Variants in MEX3C observed in about 807,000 individuals in gnomAD.
The protein encoded by MEX3C is RNA-binding E3 ubiquitin-protein ligase MEX3C.
MEX3C carries 15 observed loss-of-function variants against 35.5 expected under a neutral mutation model. The ratio of observed to expected loss-of-function variants is 0.42; its 90% CI spans 0.28 to 0.65. The LOEUF (loss-of-function observed/expected upper bound fraction) is 0.65, where lower values mean the gene tolerates loss of function less well. Among genes scored for constraint, MEX3C ranks in the 30% least tolerant of loss-of-function variants. MEX3C has a pLI of 0.20. For missense variants in MEX3C, 711 were observed against 842.8 expected, an observed-to-expected ratio of 0.84 and a Z score of 1.94; for synonymous variants, 390 against 352.8, an observed-to-expected ratio of 1.11 and a Z score of -1.18.
intron 1 of MEX3C, among the ~76,000 whole-genome samples, chr18:51,181,499 TACA>T (rs1912429248): frequency 2.7e-5 from 2 of 75,290 alleles, no homozygotes; most frequent in South Asian, 6.8e-4. Flanking sequence ...ACAAAAACCT[TACA>T]ACAATGCTAG....
At position 51,190,048 on chromosome 18, in the gene MEX3C, C is replaced by T. The variant is rs75230361; in HGVS notation, c.754+6519G>A. Among the ~76,000 whole-genome samples, 810 of 152,230 alleles carry T rather than the reference C, an allele frequency of 5.3e-3. 40 individuals carry two copies. In the East Asian group the frequency reaches 0.12, roughly 22 times the overall value. Reference sequence around the variant, plus strand: ...ATCTCTGTACTTTCAATTGTACTGTCAATTTCTACTAATGCTATCTTCTCA... The same window carrying T: ...ATCTCTGTACTTTCAATTGTACTGTTAATTTCTACTAATGCTATCTTCTCA... On this transcript the variant is annotated intron_variant, in intron 1 of 1. Coordinates refer to ENST00000406189, the MANE Select transcript of MEX3C (RefSeq NM_016626.5).
chr18:51,192,306 C>G (rs1184174828), intron 1 of MEX3C, among the ~76,000 whole-genome samples: 1 of 152,138 alleles, frequency 6.6e-6, no homozygotes, highest in African/African-American at 2.4e-5. Context: ...ATTCCCCACC[C>G]ATTTGCAAAA....
chr18:51,177,194 A>G lies in MEX3C; in HGVS notation c.1137T>C (p.Asn379=). The change falls in exon 2 of 2, where the codon AAT becomes AAC. Residue 379 remains asparagine, a synonymous_variant. Transcript: ENST00000406189. This position sits in a 1 kb window ranked among gnomAD's most constrained non-coding sequence, Gnocchi z 4.2. The part of the protein sequence containing the change: ...PVFEVTGMPE[N]VDRAREEIEM... The stretch of plus-strand genomic sequence containing the variant: ...CTATTTCTTCCCGTGCTCGGTCAAC[A>G]TTTTCAGGCATCCCTGTCACTTCAA... 5 of 1,613,674 alleles carry G rather than the reference A, an allele frequency of 3.1e-6. No homozygotes were observed. Among genetic ancestry groups the G allele is most frequent in the Middle Eastern group, 1.6e-4 (1 of 6,062 alleles).
chr18:51,196,136 A>G (rs1912780659), intron 1 of MEX3C: 1 of 213,088 alleles, frequency 4.7e-6, no homozygotes, highest in South Asian at 6.4e-5. Context: ...CTCCATCTGA[A>G]CAAGTTCTTG....
chr18:51,196,506 C>A, intron 1 of MEX3C, 61 bp downstream of exon 1: 1 of 1,517,134 alleles, frequency 6.6e-7, no homozygotes. Context: ...GCTCCTTTCT[C>A]TCGTCTCCCC....
At chr18:51,188,921 G>A (rs1482707102) in intron 1 of MEX3C, among the ~76,000 whole-genome samples, 2 of 152,180 alleles carry the variant, frequency 1.3e-5, no homozygotes, top group East Asian at 3.8e-4. Flanking sequence ...GGTGACAGTA[G>A]TCAGATCTTC....
intron 1 of MEX3C, among the ~76,000 whole-genome samples, chr18:51,189,597 A>T (rs190571685): frequency 1.6e-4 from 24 of 152,324 alleles, no homozygotes; most frequent in African/African-American, 5.8e-4. Context: ...ATATTTAATG[A>T]AAAGTTTTAT....
chr18:51,188,589 C>A (rs1912588438), intron 1 of MEX3C, among the ~76,000 whole-genome samples: 1 of 102,246 alleles, frequency 9.8e-6, no homozygotes, highest in African/African-American at 3.9e-5. Context: ...CAGAGTGAGA[C>A]CCTGTCTCAA....
intron 1 of MEX3C, among the ~76,000 whole-genome samples, chr18:51,180,277 A>C (rs545633101): frequency 6.6e-6 from 1 of 152,110 alleles, no homozygotes; most frequent in Admixed American, 6.5e-5. Flanking sequence ...ACAGAACACT[A>C]TCTAGCCTAT....
chr18:51,197,602 G>A lies in MEX3C; in HGVS notation c.-282C>T, dbSNP rs1443155125. On this transcript the variant is annotated 5_prime_UTR_variant, in exon 1 of 2. Coordinates refer to ENST00000406189, the MANE Select transcript of MEX3C (RefSeq NM_016626.5). ...GGAGGTGGCAGCGGCTCCCCTCTCA[G>A]TGTTTCTTTTGTTTCATGGCCTTAA... Among the ~76,000 whole-genome samples the A allele has an allele frequency of 6.6e-6, 1 of 151,594 alleles. No homozygotes were observed. The highest frequency in any genetic ancestry group is 1.5e-5 in the Non-Finnish European group (1 of 67,802).
Position 51,175,939 on chromosome 18 carries a change from T to C in MEX3C, c.*412A>G, listed in dbSNP as rs1370824444. 1 of 157,408 alleles carries C rather than the reference T, an allele frequency of 6.4e-6. No homozygotes were observed. Among genetic ancestry groups the C allele is most frequent in the Non-Finnish European group, 1.4e-5 (1 of 71,448 alleles). The allele number at this position is 157,408 out of a possible 1,614,324, so 9.8% of individuals were successfully genotyped here. A position where few individuals can be genotyped will look rare whatever the true frequency, so the allele number is the denominator to read the frequency against. On this transcript the variant is annotated 3_prime_UTR_variant, in exon 2 of 2. Coordinates refer to ENST00000406189, the MANE Select transcript of MEX3C (RefSeq NM_016626.5). ...AGTGTAAAGAAGGCAGCACTGGAAG[T>C]GTATGAATCGTCTGTAATGCCAAGT... is the stretch of plus-strand genomic sequence containing the variant.
rs746734175 is a variant in MEX3C, at chr18:51,177,378, G to A, written c.953C>T (p.Ser318Leu). ...TTGACCGGGCAGATTAGGACTACATGATAATCCTCCCAGGGCAGGCCCATT... is the reference window on the plus strand; with the variant it reads ...TTGACCGGGCAGATTAGGACTACATAATAATCCTCCCAGGGCAGGCCCATT... ...NKNGPALGGL[S>L]CSPNLPGQTT... The change falls in exon 2 of 2, where the codon TCA (serine) becomes TTA (leucine). Residue 318 changes from serine (S) to leucine (L), a missense_variant. Ser to Leu is a moderately radical substitution (Grantham distance 145). Around this residue, in one of 4 missense-constraint regions of MEX3C, gnomAD observed 83 missense variants for 179.1 expected, o/e 0.46. Coordinates refer to ENST00000406189, the MANE Select transcript of MEX3C (RefSeq NM_016626.5). This position sits in a 1 kb window ranked among gnomAD's most constrained non-coding sequence, Gnocchi z 4.2. The A allele has an allele frequency of 6.2e-7, 1 of 1,613,980 alleles. No individual in the cohort carries two copies. The highest frequency in any genetic ancestry group is 8.5e-7 in the Non-Finnish European group (1 of 1,179,892).
chr18:51,196,767 C>G lies in MEX3C; in HGVS notation c.554G>C (p.Gly185Ala). Residue 185 changes from glycine (G) to alanine (A), a missense_variant, in exon 1 of 2, where the codon GGG (glycine) becomes GCG (alanine). By Grantham distance (60) the Gly-to-Ala change is moderately conservative. This residue lies in a region of MEX3C where 354 missense variants were observed against 311.6 expected (regional missense o/e 1.14). Transcript: ENST00000406189. ...GGCATCGTCCCCTCCGTACAGCACC[C>G]CCGCCGCCGCCGCCGCGGCCGCCGC... Reference protein sequence around the residue: ...REAAAAAAAAGVLYGGDDAQG... With the variant: ...REAAAAAAAAAVLYGGDDAQG... 6.7e-7 allele frequency: 1 copy of G among 1,486,408 alleles called. No individual in the cohort carries two copies. The highest frequency in any genetic ancestry group is 1.2e-5 in the South Asian group (1 of 80,976). The allele number at this position is 1,486,408 out of a possible 1,614,324, so 92.1% of individuals were successfully genotyped here.
Position 51,176,967 on chromosome 18 carries a change from G to T in MEX3C, c.1364C>A (p.Thr455Lys). 2.5e-6 allele frequency: 4 copies of T among 1,614,044 alleles called. No homozygotes were observed. Among genetic ancestry groups the T allele is most frequent in the Non-Finnish European group, 3.4e-6 (4 of 1,179,904 alleles). The change falls in exon 2 of 2, where the codon ACA becomes AAA. Residue 455 changes from threonine (T) to lysine (K), a missense_variant. This residue lies in a region of MEX3C where 187 missense variants were observed against 201.7 expected (regional missense o/e 0.93). Transcript: ENST00000406189. ...DSSSSLGSGS[T>K]DSYFGSNRLA... ...CCTATTGCTTCCAAAGTAGGAATCT[G>T]TAGAGCCACTTCCTAGAGAACTGGA...
chr18:51,182,077 AGAGT>A (rs1490797128), intron 1 of MEX3C, among the ~76,000 whole-genome samples: 102 of 152,318 alleles, frequency 6.7e-4, no homozygotes, highest in African/African-American at 2.3e-3. Context: ...AAGATATTTG[AGAGT>A]GAGTAAGACC....
At chr18:51,189,678 T>C (rs1396283928) in intron 1 of MEX3C, among the ~76,000 whole-genome samples, 1 of 152,002 alleles carries the variant, frequency 6.6e-6, no homozygotes, top group African/African-American at 2.4e-5. Context: ...AAGGCAGAAG[T>C]TTTCCTAACT....
intron 1 of MEX3C, among the ~76,000 whole-genome samples, chr18:51,183,385 A>G (rs1912470248): frequency 6.6e-6 from 1 of 152,202 alleles, no homozygotes; most frequent in Admixed American, 6.5e-5. Flanking sequence ...TTGAGTTAAT[A>G]TTTAGGTCAC....
Position 51,196,840 on chromosome 18 carries a change from A to C in MEX3C, c.481T>G (p.Ser161Ala). The change falls in exon 1 of 2, where the codon TCC (serine) becomes GCC (alanine). Residue 161 changes from serine (S) to alanine (A), a missense_variant. Physicochemically the swap from Ser to Ala is moderately conservative, Grantham distance 99 (BLOSUM62 1). This residue lies in a region of MEX3C where 354 missense variants were observed against 311.6 expected (regional missense o/e 1.14). Coordinates refer to ENST00000406189, the MANE Select transcript of MEX3C (RefSeq NM_016626.5). ...ASQTQQIPGG[S>A]LGSVLLPAAR... ...GCTGGCAGCAGCACAGACCCCAGGG[A>C]CCCGCCCGGGATCTGCTGGGTCTGA... is the stretch of plus-strand genomic sequence containing the variant. 2 of 1,535,758 alleles carry C rather than the reference A, an allele frequency of 1.3e-6. No homozygotes were observed. Among genetic ancestry groups the C allele is most frequent in the Non-Finnish European group, 1.7e-6 (2 of 1,145,140 alleles).
chr18:51,195,820 TGAAGA>T (rs1912771298), intron 1 of MEX3C: 1 of 152,208 alleles, frequency 6.6e-6, no homozygotes. Flanking sequence ...TGCTGGCAAG[TGAAGA>T]GGAGAATTAA....
Sources: gnomAD v4.1 joint callset for allele counts (sites outside exome capture counted in the v4.1 genomes callset) on GRCh38, gnomAD v4.1.1 for gene constraint, gnomAD v4.1.1 regional missense constraint, Gnocchi (gnomAD v3.1) non-coding constraint, MANE v1.5 for transcripts, NCBI Gene and HGNC (gene_info 2026-07-23, HGNC 2026-07-21) for gene names.